The following PDS5B variants were observed in gnomAD, a reference collection of about 807,000 sequenced individuals.
PDS5B encodes sister chromatid cohesion protein PDS5 homolog B.
In PDS5B, 51 loss-of-function variants were observed where a neutral mutation model predicts 184.1. The observed-to-expected ratio is 0.28, with a 90% CI of 0.22 to 0.35. The LOEUF (loss-of-function observed/expected upper bound fraction) is 0.35. Among genes scored for constraint, PDS5B ranks in the 10% least tolerant of loss-of-function variants. The pLI, the probability that PDS5B is intolerant of heterozygous loss-of-function variation, is 1.00. For missense variants in PDS5B, 1,180 were observed against 1,723.3 expected (o/e 0.68, Z 5.58); for synonymous variants, 566 against 569.2 (o/e 0.99, Z 0.08).
rs191762513 is a variant in PDS5B at position 32,605,387 on chromosome 13, T to G, written c.-20+18794T>G. Among the ~76,000 whole-genome samples the G allele has an allele frequency of 3.3e-5, 5 of 152,254 alleles. No homozygotes were observed. The East Asian group carries it at 9.6e-4, about 29-fold the overall frequency. ...TTCCATGTAGTTGAGTGGTTTTGAG[T>G]GAGTTTCTTAATCCTGAGTTCCAGC... On this transcript the variant is annotated intron_variant, in intron 1 of 34. Transcript: ENST00000315596.
At chr13:32,632,082 T>TA (rs573357402) in intron 1 of PDS5B, among the ~76,000 whole-genome samples, 107 of 152,364 alleles carry the variant, frequency 7.0e-4, no homozygotes, top group Non-Finnish European at 2.2e-4. Context: ...ATCAATGATG[T>TA]AAATGTAAGA....
intron 19 of PDS5B, among the ~76,000 whole-genome samples, chr13:32,718,509 A>T (rs1952560658): frequency 6.6e-6 from 1 of 152,164 alleles, no homozygotes; most frequent in Admixed American, 6.6e-5. Flanking sequence ...CCTTCATAAC[A>T]TAATTAATAT....
intron 14 of PDS5B, among the ~76,000 whole-genome samples, chr13:32,694,714 T>A (rs2140849912): frequency 6.6e-6 from 1 of 151,966 alleles, no homozygotes; most frequent in African/African-American, 2.4e-5. Flanking sequence ...TAAAGTTAGG[T>A]ATCTTGATGT....
intron 1 of PDS5B, among the ~76,000 whole-genome samples, chr13:32,589,925 T>C (rs2057748751): frequency 6.6e-6 from 1 of 152,214 alleles, no homozygotes; most frequent in African/African-American, 2.4e-5. Context: ...AAAAAGGTTT[T>C]AGAATCCTTT....
chr13:32,727,683 T>C (rs1023637476), intron 19 of PDS5B, among the ~76,000 whole-genome samples: 1 of 152,156 alleles, frequency 6.6e-6, no homozygotes, highest in Non-Finnish European at 1.5e-5. Context: ...CTTGTTCCTC[T>C]GTTTTTGCAC....
At chr13:32,609,812 A>G (rs1013574549) in intron 1 of PDS5B, among the ~76,000 whole-genome samples, 8 of 151,924 alleles carry the variant, frequency 5.3e-5, no homozygotes, top group Admixed American at 1.3e-4. Flanking sequence ...TAATGGAACC[A>G]TTGCTGCATC....
chr13:32,723,269 T>C (rs140148146), intron 19 of PDS5B, among the ~76,000 whole-genome samples: 1,578 of 152,356 alleles, frequency 0.01, 15 homozygotes, highest in Non-Finnish European at 0.015. Flanking sequence ...TATAATAATA[T>C]GTCTAGAGAA....
chr13:32,673,066 A>T, intron 7 of PDS5B, 150 bp from the exon 8 acceptor site: 1 of 675,804 alleles, frequency 1.5e-6, no homozygotes, highest in Non-Finnish European at 2.6e-6. Flanking sequence ...TGTAGCCTAT[A>T]TTGGTTTCCC....
At chr13:32,678,675 C>T (rs370350478) in intron 9 of PDS5B, among the ~76,000 whole-genome samples, 160 bp from the exon 10 acceptor site, 1 of 152,146 alleles carries the variant, frequency 6.6e-6, no homozygotes, top group African/African-American at 2.4e-5. Context: ...TTCAGACATA[C>T]ATGTATATCA....
chr13:32,632,799 T>C (rs944479456), intron 1 of PDS5B, among the ~76,000 whole-genome samples: 2 of 152,206 alleles, frequency 1.3e-5, no homozygotes, highest in South Asian at 4.1e-4. Flanking sequence ...TAATATTCAG[T>C]CATACAAATA....
At chr13:32,772,519 A>G (rs906794852) in intron 33 of PDS5B, among the ~76,000 whole-genome samples, 1 of 152,186 alleles carries the variant, frequency 6.6e-6, no homozygotes, top group East Asian at 1.9e-4. Context: ...TTCTGAAGTG[A>G]AAAATAACTT....
chr13:32,730,276 G>A (rs529964485), intron 19 of PDS5B, among the ~76,000 whole-genome samples: 12 of 152,234 alleles, frequency 7.9e-5, no homozygotes, highest in African/African-American at 2.9e-4. Flanking sequence ...TGTTATTTCT[G>A]TGGCCTCTGT....
chr13:32,694,431 C>T (rs1951643744), intron 14 of PDS5B, 127 bp downstream of exon 14: 1 of 677,648 alleles, frequency 1.5e-6, no homozygotes, highest in Non-Finnish European at 2.6e-6. Flanking sequence ...AGTTAGGATT[C>T]CTTGTTTAGA....
chr13:32,696,830 T>C, intron 14 of PDS5B, 24 bp from the exon 15 acceptor site: 2 of 1,573,846 alleles, frequency 1.3e-6, no homozygotes, highest in East Asian at 4.5e-5. Flanking sequence ...ATTTTAATTT[T>C]GCATTTTTTT....
chr13:32,683,683 A>T (rs1287965294), intron 10 of PDS5B, among the ~76,000 whole-genome samples, 195 bp from the exon 11 acceptor site: 1 of 152,156 alleles, frequency 6.6e-6, no homozygotes, highest in African/African-American at 2.4e-5. Context: ...TTATTACTCA[A>T]TTGGATGTCA....
intron 7 of PDS5B, among the ~76,000 whole-genome samples, chr13:32,670,653 A>G (rs1442481383): frequency 6.6e-6 from 1 of 152,224 alleles, no homozygotes; most frequent in African/African-American, 2.4e-5. Flanking sequence ...TGATAATTCT[A>G]AAAATTTCCT....
At chr13:32,698,011 A>G (rs1041243399) in intron 15 of PDS5B, among the ~76,000 whole-genome samples, 19 of 151,270 alleles carry the variant, frequency 1.3e-4, no homozygotes, top group Non-Finnish European at 2.2e-4. Flanking sequence ...TAGTTTGGCT[A>G]TGGATACTGT....
intron 19 of PDS5B, among the ~76,000 whole-genome samples, chr13:32,724,723 G>C (rs992951917): frequency 6.6e-6 from 1 of 152,030 alleles, no homozygotes. Flanking sequence ...GGGACTACAG[G>C]CGCATGTCAC....
intron 31 of PDS5B, among the ~76,000 whole-genome samples, chr13:32,767,120 T>C (rs1348327094): frequency 3.3e-5 from 5 of 152,176 alleles, no homozygotes; most frequent in Non-Finnish European, 5.9e-5. Flanking sequence ...TTTACTATGA[T>C]AGTATATTAA....
Sources: allele counts gnomAD v4.1 joint callset (sites outside exome capture counted in the v4.1 genomes callset), GRCh38; gene constraint gnomAD v4.1.1; transcripts MANE v1.5; gene names NCBI Gene and HGNC (gene_info 2026-07-23, HGNC 2026-07-21).